The following BAZ1A variants were observed in gnomAD, a reference collection of about 807,000 sequenced individuals.
BAZ1A encodes bromodomain adjacent to zinc finger domain protein 1A.
BAZ1A carries 50 observed loss-of-function variants against 185.2 expected under a neutral mutation model. The ratio of observed to expected loss-of-function variants is 0.27; its 90% CI spans 0.22 to 0.34. The LOEUF (loss-of-function observed/expected upper bound fraction) is 0.34. Ranked by LOEUF, BAZ1A falls within the 10% of genes least tolerant of loss-of-function variation. The pLI is 1.00. For missense variants in BAZ1A, 1,356 were observed against 1,839.9 expected (o/e 0.74, Z 4.81); for synonymous variants, 571 against 615.6 (o/e 0.93, Z 1.07).
At chr14:34,843,806 T>G (rs61255824) in intron 3 of BAZ1A, among the ~76,000 whole-genome samples, 3,024 of 152,312 alleles carry the variant, frequency 0.02, 39 homozygotes, top group South Asian at 0.039. Context: ...TTTTAGGCTC[T>G]GGTGGTTTTA....
intron 3 of BAZ1A, among the ~76,000 whole-genome samples, chr14:34,852,651 T>C (rs2042615910): frequency 6.6e-6 from 1 of 152,028 alleles, no homozygotes; most frequent in African/African-American, 2.4e-5. Context: ...TGTTCCCCAA[T>C]GAAGACACTG....
intron 3 of BAZ1A, among the ~76,000 whole-genome samples, chr14:34,847,221 G>C (rs1483968485): frequency 6.7e-6 from 1 of 149,504 alleles, no homozygotes; most frequent in Non-Finnish European, 1.5e-5. Context: ...CTGGGTGACA[G>C]AGCGAGACTA....
chr14:34,763,553 C>T (rs563304160), intron 23 of BAZ1A, among the ~76,000 whole-genome samples: 33 of 152,200 alleles, frequency 2.2e-4, no homozygotes, highest in Non-Finnish European at 2.2e-4. Flanking sequence ...TTATAGCTAC[C>T]GGTTAGACAT....
intron 3 of BAZ1A, among the ~76,000 whole-genome samples, chr14:34,852,510 T>G (rs957165106): frequency 6.6e-6 from 1 of 152,040 alleles, no homozygotes; most frequent in Non-Finnish European, 1.5e-5. Context: ...TCCCAGCTAC[T>G]TGGGAGGCTG....
At chr14:34,832,213 C>CATATATATATATATATAT (rs1491212993) in intron 3 of BAZ1A, among the ~76,000 whole-genome samples, 50 of 78,654 alleles carry the variant, frequency 6.4e-4, no homozygotes, top group Admixed American at 1.1e-3. Flanking sequence ...CACACACACA[C>CATATATATATATATATAT]ACATATATAT....
chr14:34,814,630 C>T (rs754576603), intron 4 of BAZ1A, among the ~76,000 whole-genome samples: 5 of 151,596 alleles, frequency 3.3e-5, no homozygotes, highest in Non-Finnish European at 5.9e-5. Context: ...CACCCATGCC[C>T]GGCTAATTTT....
intron 3 of BAZ1A, among the ~76,000 whole-genome samples, chr14:34,835,694 C>T (rs2042317334): frequency 2.0e-5 from 3 of 146,714 alleles, no homozygotes; most frequent in Admixed American, 2.0e-4. Context: ...TTTCCTGAGA[C>T]AGAGTTTCTC....
chr14:34,851,601 T>G (rs1230740205), intron 3 of BAZ1A, among the ~76,000 whole-genome samples: 1 of 151,782 alleles, frequency 6.6e-6, no homozygotes, highest in Non-Finnish European at 1.5e-5. Flanking sequence ...AGTATTTGAG[T>G]TCCAGTTCAC....
intron 3 of BAZ1A, among the ~76,000 whole-genome samples, chr14:34,841,373 C>G (rs2042411961): frequency 6.6e-6 from 1 of 152,116 alleles, no homozygotes; most frequent in African/African-American, 2.4e-5. Context: ...AACATAATCA[C>G]TAGCCAAATA....
At chr14:34,829,975 CA>C (rs373155544) in intron 3 of BAZ1A, among the ~76,000 whole-genome samples, 36 of 152,050 alleles carry the variant, frequency 2.4e-4, no homozygotes, top group African/African-American at 7.0e-4. Flanking sequence ...GAAATGTGGT[CA>C]AAAAAATCCA....
Position 34,776,313 on chromosome 14 carries a change from T to G in BAZ1A, c.2439A>C (p.Arg813=), listed in dbSNP as rs749908909. ...CAGGAATAGAAGGGAAAATCCAGTA[T>G]CGTCTATACATGCGGTCGCGACCCA... ...FPLGRDRMYR[R]YWIFPSIPGL... Residue 813 remains arginine, a synonymous_variant, in exon 18 of 27, where the codon CGA becomes CGC. Transcript: ENST00000360310. 6.2e-7 allele frequency: 1 copy of G among 1,614,034 alleles called. No individual in the cohort carries two copies. Among genetic ancestry groups the G allele is most frequent in the East Asian group, 2.2e-5 (1 of 44,886 alleles).
At chr14:34,872,690 T>C (rs539932669) in intron 2 of BAZ1A, among the ~76,000 whole-genome samples, 60 of 152,236 alleles carry the variant, frequency 3.9e-4, no homozygotes, top group African/African-American at 1.4e-3. Flanking sequence ...TCTCCATGGT[T>C]AGAATAATTC....
At chr14:34,785,642 A>G in intron 14 of BAZ1A, 135 bp downstream of exon 14, 1 of 683,266 alleles carries the variant, frequency 1.5e-6, no homozygotes, top group South Asian at 2.1e-5. Context: ...TAATATGAAT[A>G]ATAACAATAG....
rs1389574742 is a variant in BAZ1A at position 34,753,671 on chromosome 14, G to A, written c.4508C>T (p.Ser1503Leu). 3.7e-6 allele frequency: 6 copies of A among 1,603,310 alleles called. No individual in the cohort carries two copies. The highest frequency in any genetic ancestry group is 3.3e-5 in the Admixed American group (2 of 59,718). The change falls in exon 27 of 27, where the codon TCG (serine) becomes TTG (leucine). Residue 1503 changes from serine to leucine, a missense_variant. Transcript: ENST00000360310. The stretch of plus-strand genomic sequence containing the variant: ...ACGAGGGTTGTATTCAAAGCAGTTC[G>A]AAAACATTAACTCAATGTCATCAAT... ...EFIDDIELMF[S>L]NCFEYNPRNT...
At chr14:34,869,919 G>A (rs1309014932) in intron 2 of BAZ1A, among the ~76,000 whole-genome samples, 1 of 152,146 alleles carries the variant, frequency 6.6e-6, no homozygotes, top group Non-Finnish European at 1.5e-5. Flanking sequence ...GAGGTTGAAA[G>A]ACCACACGGT....
rs761809864 is a variant in BAZ1A, at chr14:34,862,166, T to C, written c.270A>G (p.Leu90=). The change falls in exon 3 of 27, where the codon TTA becomes TTG. Residue 90 remains leucine, a synonymous_variant. Coordinates refer to ENST00000360310, the MANE Select transcript of BAZ1A (RefSeq NM_013448.3). ...AACGATGGGTAAGGCTGGTCAAGTA[T>C]AAAACTGGAATAATTAGTGGTTCTG... ...SFPEPLIIPV[L]YLTSLTHRSR... 6.2e-7 allele frequency: 1 copy of C among 1,614,184 alleles called. No individual in the cohort carries two copies. The highest frequency in any genetic ancestry group is 8.5e-7 in the Non-Finnish European group (1 of 1,180,044).
chr14:34,845,859 CAAA>C (rs3062591), intron 3 of BAZ1A, among the ~76,000 whole-genome samples: 7,955 of 114,984 alleles, frequency 0.069, 226 homozygotes, highest in Non-Finnish European at 0.1. Flanking sequence ...GACTCTGTCT[CAAA>C]AAAAAAAAAA....
At position 34,793,964 on chromosome 14, in the gene BAZ1A, GA is replaced by G. The variant is rs531119463; in HGVS notation, c.1363+784del. Among the ~76,000 whole-genome samples the G allele has an allele frequency of 6.5e-3, 953 of 145,952 alleles. 17 individuals are homozygous for G. The highest frequency in any genetic ancestry group is 0.023 in the African/African-American group (918 of 39,854). Reference sequence around the variant, plus strand: ...CTCAAAAAGAAAAAAAAGAAAAAAAGAAAAAAAAAAGAAAAAAATTAGCTGG... The same window carrying G: ...CTCAAAAAGAAAAAAAAGAAAAAAAGAAAAAAAAAGAAAAAAATTAGCTGG... On this transcript the variant is annotated intron_variant, in intron 11 of 26. Transcript: ENST00000360310.
intron 11 of BAZ1A, among the ~76,000 whole-genome samples, chr14:34,793,623 A>G (rs896647715): frequency 2.6e-5 from 4 of 152,184 alleles, no homozygotes; most frequent in African/African-American, 4.8e-5. Context: ...CCTGGCTAAC[A>G]TGGTGAAACC....
Sources: allele counts gnomAD v4.1 joint callset (sites outside exome capture counted in the v4.1 genomes callset), GRCh38; gene constraint gnomAD v4.1.1; transcripts MANE v1.5; gene names NCBI Gene and HGNC (gene_info 2026-07-23, HGNC 2026-07-21).